The following C8orf82 variants were observed in gnomAD, a reference collection of about 807,000 sequenced individuals.
C8orf82 encodes the protein UPF0598 protein C8orf82.
C8orf82 carries 24 observed loss-of-function variants against 15.0 expected under a neutral mutation model. The observed-to-expected ratio is 1.60, with a 90% confidence interval of 1.16 to 2.24. The LOEUF is 2.24. C8orf82 is among the 30% of genes most tolerant of loss of function. The probability of loss-of-function intolerance (pLI) is 0.00; values close to 1 mark genes in which losing one functional copy is unlikely to be tolerated. For synonymous variants in C8orf82, 205 were observed against 152.2 expected (o/e 1.35, Z -2.55); for missense variants, 388 against 317.4 (o/e 1.22, Z -1.69).
In C8orf82 at chr8:144,527,570, C is replaced by T; in HGVS notation, c.423G>A (p.Glu141=). Residue 141 remains glutamate, a synonymous_variant, in exon 3 of 3, where the codon GAG becomes GAA. Coordinates refer to ENST00000524821, the MANE Select transcript of C8orf82 (RefSeq NM_001001795.2). ...GGGEALAVPF[E]PARLLPLAAN... ...CGGCCAGGGGCAGCAGGCGCGCCGGCTCGAAGGGCACGGCCAGGGCCTCGC... is the reference window on the plus strand; with the variant it reads ...CGGCCAGGGGCAGCAGGCGCGCCGGTTCGAAGGGCACGGCCAGGGCCTCGC... 1.4e-6 allele frequency: 2 copies of T among 1,465,420 alleles called. No individual in the cohort carries two copies. The highest frequency in any genetic ancestry group is 1.8e-6 in the Non-Finnish European group (2 of 1,115,606). 90.8% of individuals were successfully genotyped at this position (1,465,420 alleles called of 1,614,324 possible).
At chr8:144,528,423 C>G in intron 1 of C8orf82, 1 of 1,488,350 alleles carries the variant, frequency 6.7e-7, no homozygotes. Flanking sequence ...GGCAGGGCGG[C>G]CCGGGTGTCT....
In C8orf82 at chr8:144,527,794, G is replaced by T. The variant is rs780301857; in HGVS notation, c.206-7C>A. On this transcript the variant is annotated splice_region_variant and splice_polypyrimidine_tract_variant and intron_variant, in intron 2 of 2. Coordinates refer to ENST00000524821, the MANE Select transcript of C8orf82 (RefSeq NM_001001795.2). ...GTGACCAGGAACTGCGGGTCTGGGG[G>T]ATGAAGGGTGCGTGTACTCAGCGCG... 5.0e-6 allele frequency: 8 copies of T among 1,593,876 alleles called. No individual in the cohort carries two copies. The South Asian group carries it at 8.8e-5, about 18-fold the overall frequency.
chr8:144,528,696 C>T, intron 1 of C8orf82, 65 bp downstream of exon 1: 1 of 218,698 alleles, frequency 4.6e-6, no homozygotes, highest in Non-Finnish European at 8.5e-6. Flanking sequence ...CACGCCCCCC[C>T]CCCCGCCCCG....
In C8orf82 at chr8:144,526,219, T is replaced by C. The variant is rs1290427131; in HGVS notation, c.*1123A>G. ...ATTATTTAAAGTCACTAGAAATAAG[T>C]AAGCACAGCAATAAAGTTTTAATGG... On this transcript the variant is annotated 3_prime_UTR_variant, in exon 3 of 3. Transcript: ENST00000524821. 1 of 152,238 alleles carries C rather than the reference T, an allele frequency of 6.6e-6. No individual in the cohort carries two copies. The highest frequency in any genetic ancestry group is 1.5e-5 in the Non-Finnish European group (1 of 68,044). 9.4% of individuals were successfully genotyped at this position (152,238 alleles called of 1,614,324 possible). A position where few individuals can be genotyped will look rare whatever the true frequency, so the allele number is the denominator to read the frequency against.
At chr8:144,528,241 C>T (rs2130804532) in intron 1 of C8orf82, 169 bp from the exon 2 acceptor site, 1 of 1,486,590 alleles carries the variant, frequency 6.7e-7, no homozygotes, top group South Asian at 1.3e-5. Flanking sequence ...CTGGGGGCCC[C>T]GCCGACTTAT....
At position 144,526,681 on chromosome 8, in the gene C8orf82, T is replaced by A. The variant is rs1398925525; in HGVS notation, c.*661A>T. 6.6e-6 allele frequency: 1 copy of A among 152,230 alleles called. No homozygotes were observed. Among genetic ancestry groups the A allele is most frequent in the Admixed American group, 6.5e-5 (1 of 15,288 alleles). The allele number at this position is 152,230 out of a possible 1,614,324, so 9.4% of individuals were successfully genotyped here. The stretch of plus-strand genomic sequence containing the variant: ...AGGGAAGAGGATGGAACGCCCTGTG[T>A]CTGCCTCGGGCGCAGTGCGAGGCCC... On this transcript the variant is annotated 3_prime_UTR_variant, in exon 3 of 3. Coordinates refer to ENST00000524821, the MANE Select transcript of C8orf82 (RefSeq NM_001001795.2).
rs2130800784 is a variant in C8orf82 at position 144,525,810 on chromosome 8, G to C, written c.*1532C>G. 6.6e-6 allele frequency: 1 copy of C among 152,334 alleles called. No homozygotes were observed. Among genetic ancestry groups the C allele is most frequent in the African/African-American group, 2.4e-5 (1 of 41,562 alleles). 9.4% of individuals were successfully genotyped at this position (152,334 alleles called of 1,614,324 possible). On this transcript the variant is annotated 3_prime_UTR_variant, in exon 3 of 3. Transcript: ENST00000524821. The stretch of plus-strand genomic sequence containing the variant: ...GCCCTGGGAAAGCTGGGGTGGGACA[G>C]GGGACGCCTTGGGCCACCAACTGGG...
chr8:144,529,012 G>C lies in C8orf82; in HGVS notation c.-96C>G, dbSNP rs1003638690. The C allele has an allele frequency of 5.5e-6, 7 of 1,278,420 alleles. No homozygotes were observed. The African/African-American group carries it at 9.5e-5, about 17-fold the overall frequency. 79.2% of individuals were successfully genotyped at this position (1,278,420 alleles called of 1,614,324 possible). A position where few individuals can be genotyped will look rare whatever the true frequency, so the allele number is the denominator to read the frequency against. ...CAGTAGCCCCGCGCTTCGCGTTCCGGCGGCGCCCGCCTCCGCGACCCGGGC... is the reference window on the plus strand; with the variant it reads ...CAGTAGCCCCGCGCTTCGCGTTCCGCCGGCGCCCGCCTCCGCGACCCGGGC... On this transcript the variant is annotated 5_prime_UTR_variant, in exon 1 of 3. Transcript: ENST00000524821.
Position 144,527,774 on chromosome 8 carries a change from C to T in C8orf82, c.219G>A (p.Leu73=), listed in dbSNP as rs969996950. The part of the protein sequence containing the change: ...FITCFKDPQF[L]VTFFSRLRPN... Reference sequence around the variant, plus strand: ...GTCTCAGGCGGGAGAAGAAGGTGACCAGGAACTGCGGGTCTGGGGGATGAA... The same window carrying T: ...GTCTCAGGCGGGAGAAGAAGGTGACTAGGAACTGCGGGTCTGGGGGATGAA... Residue 73 remains leucine, a synonymous_variant, in exon 3 of 3, where the codon CTG becomes CTA. Transcript: ENST00000524821. The T allele has an allele frequency of 5.6e-6, 9 of 1,594,426 alleles. No individual in the cohort carries two copies. Among genetic ancestry groups the T allele is most frequent in the Non-Finnish European group, 7.6e-6 (9 of 1,177,444 alleles).
Position 144,528,984 on chromosome 8 carries a change from C to T in C8orf82, c.-68G>A, listed in dbSNP as rs1816521534. On this transcript the variant is annotated 5_prime_UTR_variant, in exon 1 of 3. Coordinates refer to ENST00000524821, the MANE Select transcript of C8orf82 (RefSeq NM_001001795.2). ...CGGTGCTGCGCGAACTCGCGCCTGC[C>T]CGCAGTAGCCCCGCGCTTCGCGTTC... 1.4e-6 allele frequency: 2 copies of T among 1,390,056 alleles called. No individual in the cohort carries two copies. The highest frequency in any genetic ancestry group is 1.5e-5 in the African/African-American group (1 of 65,708). 86.1% of individuals were successfully genotyped at this position (1,390,056 alleles called of 1,614,324 possible).
chr8:144,528,937 G>C lies in C8orf82; in HGVS notation c.-21C>G, dbSNP rs781159964. On this transcript the variant is annotated 5_prime_UTR_variant, in exon 1 of 3. Coordinates refer to ENST00000524821, the MANE Select transcript of C8orf82 (RefSeq NM_001001795.2). ...CACATTCTCCTCCCGCGCCGGAAGC[G>C]ACCAGCAGGTCACGCCGGGGGCGGT... is the stretch of plus-strand genomic sequence containing the variant. 4 of 1,497,686 alleles carry C rather than the reference G, an allele frequency of 2.7e-6. No homozygotes were observed. Among genetic ancestry groups the C allele is most frequent in the Non-Finnish European group, 3.5e-6 (4 of 1,127,286 alleles). The allele number at this position is 1,497,686 out of a possible 1,614,324, so 92.8% of individuals were successfully genotyped here.
At chr8:144,528,450 A>G (rs1816467254) in intron 1 of C8orf82, 1 of 1,477,300 alleles carries the variant, frequency 6.8e-7, no homozygotes, top group Admixed American at 2.1e-5. Flanking sequence ...CAGCGGCGAG[A>G]AGTCAGCGCC....
In C8orf82 at chr8:144,528,836, G is replaced by A. The variant is rs1564828530; in HGVS notation, c.81C>T (p.Gly27=). 20 of 1,519,066 alleles carry A rather than the reference G, an allele frequency of 1.3e-5. No homozygotes were observed. Among genetic ancestry groups the A allele is most frequent in the Admixed American group, 2.1e-5 (1 of 47,312 alleles). The allele number at this position is 1,519,066 out of a possible 1,614,324, so 94.1% of individuals were successfully genotyped here. A position where few individuals can be genotyped will look rare whatever the true frequency, so the allele number is the denominator to read the frequency against. Residue 27 remains glycine (G), a synonymous_variant, in exon 1 of 3, where the codon GGC becomes GGT. Coordinates refer to ENST00000524821, the MANE Select transcript of C8orf82 (RefSeq NM_001001795.2). ...RGARACSGDG[G]VSYTQGQSPE... Reference sequence around the variant, plus strand: ...GACTCTGGCCCTGCGTGTAGGAAACGCCCCCATCCCCGCTGCAGGCCCGGG... The same window carrying A: ...GACTCTGGCCCTGCGTGTAGGAAACACCCCCATCCCCGCTGCAGGCCCGGG...
rs886187981 is a variant in C8orf82 at position 144,527,725 on chromosome 8, C to T, written c.268G>A (p.Ala90Thr). 1.3e-6 allele frequency: 2 copies of T among 1,591,518 alleles called. No homozygotes were observed. The highest frequency in any genetic ancestry group is 8.5e-7 in the Non-Finnish European group (1 of 1,176,206). ...CAGGGCGAGAGGAAGGGGAAAGCGGCCTCGTAGCGCCCGCTGCGGTTGGGT... is the reference window on the plus strand; with the variant it reads ...CAGGGCGAGAGGAAGGGGAAAGCGGTCTCGTAGCGCCCGCTGCGGTTGGGT... ...LRPNRSGRYEAAFPFLSPCGR... is the reference protein window; with the variant it reads ...LRPNRSGRYETAFPFLSPCGR... Residue 90 changes from alanine to threonine, a missense_variant, in exon 3 of 3, where the codon GCC becomes ACC. By Grantham distance (58) the Ala-to-Thr change is moderately conservative. Coordinates refer to ENST00000524821, the MANE Select transcript of C8orf82 (RefSeq NM_001001795.2).
Position 144,527,797 on chromosome 8 carries a change from G to A in C8orf82, c.206-10C>T. On this transcript the variant is annotated splice_polypyrimidine_tract_variant and intron_variant, in intron 2 of 2. Coordinates refer to ENST00000524821, the MANE Select transcript of C8orf82 (RefSeq NM_001001795.2). ...ACCAGGAACTGCGGGTCTGGGGGAT[G>A]AAGGGTGCGTGTACTCAGCGCGCTG... The A allele has an allele frequency of 6.3e-7, 1 of 1,593,808 alleles. No homozygotes were observed.
rs1333309571 is a variant in C8orf82, at chr8:144,527,294, A to G, written c.*48T>C. 4 of 1,128,118 alleles carry G rather than the reference A, an allele frequency of 3.5e-6. No individual in the cohort carries two copies. The highest frequency in any genetic ancestry group is 3.3e-6 in the Non-Finnish European group (3 of 914,430). 69.9% of individuals were successfully genotyped at this position (1,128,118 alleles called of 1,614,324 possible). A position where few individuals can be genotyped will look rare whatever the true frequency, so the allele number is the denominator to read the frequency against. On this transcript the variant is annotated 3_prime_UTR_variant, in exon 3 of 3. Coordinates refer to ENST00000524821, the MANE Select transcript of C8orf82 (RefSeq NM_001001795.2). Reference sequence around the variant, plus strand: ...TTTCCGGGGCGTGGAGTCCCGGGGGAGCGGGGCGAGAGGCGCCCGCGGCCT... The same window carrying G: ...TTTCCGGGGCGTGGAGTCCCGGGGGGGCGGGGCGAGAGGCGCCCGCGGCCT...
rs556866137 is a variant in C8orf82, at chr8:144,526,850, C to G, written c.*492G>C. On this transcript the variant is annotated 3_prime_UTR_variant, in exon 3 of 3. Coordinates refer to ENST00000524821, the MANE Select transcript of C8orf82 (RefSeq NM_001001795.2). ...GGGCGTGGCCTCCGCGTTCCCCATC[C>G]CCCTCCAGGACCCACGCCCTTCTCG... 1 of 152,248 alleles carries G rather than the reference C, an allele frequency of 6.6e-6. No homozygotes were observed. The highest frequency in any genetic ancestry group is 2.4e-5 in the African/African-American group (1 of 41,464). 9.4% of individuals were successfully genotyped at this position (152,248 alleles called of 1,614,324 possible).
rs1299556631 is a variant in C8orf82 at position 144,528,796 on chromosome 8, G to A, written c.121C>T (p.Arg41Cys). 6.8e-7 allele frequency: 1 copy of A among 1,463,374 alleles called. No individual in the cohort carries two copies. Among genetic ancestry groups the A allele is most frequent in the Admixed American group, 2.6e-5 (1 of 38,706 alleles). 90.6% of individuals were successfully genotyped at this position (1,463,374 alleles called of 1,614,324 possible). The part of the protein sequence containing the change: ...TQGQSPEPRT[R>C]EYFYYVDHQG... The stretch of plus-strand genomic sequence containing the variant: ...TGGTCCACGTAGTAGAAATACTCGC[G>A]GGTCCGCGGCTCCGGACTCTGGCCC... Residue 41 changes from arginine to cysteine, a missense_variant, in exon 1 of 3, where the codon CGC (arginine) becomes TGC (cysteine). Physicochemically the swap from Arg to Cys is radical, Grantham distance 180 (BLOSUM62 -3). Coordinates refer to ENST00000524821, the MANE Select transcript of C8orf82 (RefSeq NM_001001795.2).
Position 144,529,055 on chromosome 8 carries a change from CCCTCGGG to C in C8orf82, c.-146_-140del, listed in dbSNP as rs1816527618. On this transcript the variant is annotated 5_prime_UTR_variant, in exon 1 of 3. Coordinates refer to ENST00000524821, the MANE Select transcript of C8orf82 (RefSeq NM_001001795.2). ...ACCCGGGCCCGGCGCTCTTCCCTCTCCCTCGGGCCTCGGGGGCTCGCCCGCCCTGGCC... is the reference window on the plus strand; with the variant it reads ...ACCCGGGCCCGGCGCTCTTCCCTCTCCCTCGGGGGCTCGCCCGCCCTGGCC... 11 of 878,118 alleles carry C rather than the reference CCCTCGGG, an allele frequency of 1.3e-5. No homozygotes were observed. Among genetic ancestry groups the C allele is most frequent in the African/African-American group, 3.6e-5 (2 of 54,832 alleles). 54.4% of individuals were successfully genotyped at this position (878,118 alleles called of 1,614,324 possible). A position where few individuals can be genotyped will look rare whatever the true frequency, so the allele number is the denominator to read the frequency against.
Sources: gnomAD v4.1 joint callset for allele counts on GRCh38, gnomAD v4.1.1 for gene constraint, MANE v1.5 for transcripts, NCBI Gene and HGNC (gene_info 2026-07-23, HGNC 2026-07-21) for gene names.